PAK3: variants seen among roughly 807,000 people sequenced by gnomAD.
PAK3 encodes the protein p21 (RAC1) activated kinase 3.
PAK3 carries 4 observed loss-of-function variants against 41.0 expected under a neutral mutation model. The ratio of observed to expected loss-of-function variants is 0.10; its 90% CI spans 0.05 to 0.22. The LOEUF (loss-of-function observed/expected upper bound fraction) is 0.22. Ranked by LOEUF, PAK3 falls within the 10% of genes least tolerant of loss-of-function variation. PAK3 has a pLI of 1.00. For synonymous variants in PAK3, 146 were observed against 139.6 expected, an observed-to-expected ratio of 1.05 and a Z score of -0.32; for missense variants, 205 against 409.9, an observed-to-expected ratio of 0.50 and a Z score of 4.32.
intron 1 of PAK3, among the ~76,000 whole-genome samples, chrX:111,015,414 T>C (rs2092074399): frequency 9.0e-6 from 1 of 111,538 alleles, no homozygotes; most frequent in Admixed American, 9.5e-5. Flanking sequence ...AACATTGGTG[T>C]ACAAGTATCT....
At chrX:110,977,235 G>A (rs761799662) in intron 1 of PAK3, among the ~76,000 whole-genome samples, 119 of 109,806 alleles carry the variant, frequency 1.1e-3, no homozygotes, top group African/African-American at 3.8e-3. Context: ...AGATATATAT[G>A]TATAAGATAT....
chrX:111,214,876 G>T (rs369923416), intron 16 of PAK3, among the ~76,000 whole-genome samples: 1 of 111,796 alleles, frequency 8.9e-6, no homozygotes, highest in South Asian at 3.8e-4. Context: ...ACCTGGGCAA[G>T]TTCAGGGGGA....
At chrX:110,976,065 C>T (rs1041480711) in intron 1 of PAK3, among the ~76,000 whole-genome samples, 3 of 111,928 alleles carry the variant, frequency 2.7e-5, no homozygotes, top group African/African-American at 9.8e-5. Flanking sequence ...GACTTCATGA[C>T]AAAAACACCA....
At chrX:111,007,694 C>T (rs894519196) in intron 1 of PAK3, among the ~76,000 whole-genome samples, 1 of 111,974 alleles carries the variant, frequency 8.9e-6, no homozygotes, top group Non-Finnish European at 1.9e-5. Context: ...TCTACCATTT[C>T]CCCCTCAAGG....
chrX:110,998,236 C>T (rs749568345), intron 1 of PAK3, among the ~76,000 whole-genome samples: 2 of 111,801 alleles, frequency 1.8e-5, no homozygotes, highest in South Asian at 3.8e-4. Flanking sequence ...CCCTAAACCA[C>T]TCCAATGTCT....
At chrX:110,968,527 C>T (rs1054424634) in intron 1 of PAK3, among the ~76,000 whole-genome samples, 4 of 112,262 alleles carry the variant, frequency 3.6e-5, no homozygotes, top group Admixed American at 9.4e-5. Flanking sequence ...ACCAATCTGA[C>T]AAGTGTTAGT....
chrX:111,019,726 G>C (rs1423242161), intron 1 of PAK3, among the ~76,000 whole-genome samples: 2 of 105,019 alleles, frequency 1.9e-5, no homozygotes, highest in Non-Finnish European at 3.9e-5. Flanking sequence ...AGAAAAAGGG[G>C]GGGGGGCAAA....
chrX:111,000,982 TC>T (rs1402931907), intron 1 of PAK3, among the ~76,000 whole-genome samples: 1 of 111,279 alleles, frequency 9.0e-6, no homozygotes, highest in Non-Finnish European at 1.9e-5. Context: ...GTGGAAGGCC[TC>T]ACTGAGATGA....
intron 14 of PAK3, among the ~76,000 whole-genome samples, chrX:111,195,548 C>T (rs886656307): frequency 1.8e-5 from 2 of 111,850 alleles, no homozygotes; most frequent in Non-Finnish European, 3.8e-5. Flanking sequence ...ATAACTGGGC[C>T]AAAGTATATT....
chrX:111,096,456 AG>A, intron 1 of PAK3, 41 bp downstream of exon 1: 1 of 112,898 alleles, frequency 8.9e-6, no homozygotes, highest in African/African-American at 3.2e-5. Context: ...ACCGCGGGGG[AG>A]GGGGTGGCTG....
chrX:111,008,647 T>A (rs1294435763), intron 1 of PAK3, among the ~76,000 whole-genome samples: 1 of 112,610 alleles, frequency 8.9e-6, no homozygotes, highest in African/African-American at 3.2e-5. Context: ...GCTGGGTGAC[T>A]TTCTAGCAAC....
intron 4 of PAK3, among the ~76,000 whole-genome samples, chrX:111,117,109 C>T (rs770409225): frequency 8.0e-5 from 9 of 111,921 alleles, no homozygotes; most frequent in Admixed American, 1.9e-4. Flanking sequence ...AACTGGCCAA[C>T]GAAACTTGTT....
chrX:111,019,728 G>C, intron 1 of PAK3, among the ~76,000 whole-genome samples: 1 of 105,638 alleles, frequency 9.5e-6, no homozygotes, highest in South Asian at 4.3e-4. Flanking sequence ...AAAAAGGGGG[G>C]GGGGCAAATG....
intron 4 of PAK3, among the ~76,000 whole-genome samples, chrX:111,111,736 C>T (rs2093375212): frequency 9.0e-6 from 1 of 111,665 alleles, no homozygotes; most frequent in African/African-American, 3.3e-5. Context: ...ATTTGGAATC[C>T]CAAATGTAAA....
In PAK3 at chrX:111,040,215, A is replaced by T. The variant is rs186475464; in HGVS notation, c.-27-82862A>T. On this transcript the variant is annotated intron_variant, in intron 1 of 14. Transcript: ENST00000425146. ...AAGTTCCACCGAATGAGTTACTTAA[A>T]CTCACCAAGCTTCGATTTCCCCTTC... Among the ~76,000 whole-genome samples, 24 of 110,087 alleles carry T rather than the reference A, an allele frequency of 2.2e-4. No homozygotes were observed. In the Admixed American group the frequency reaches 2.2e-3, roughly 10 times the overall value.
rs1325893556 is a variant in PAK3, at chrX:111,107,622, G to A, written c.-28+4316G>A. On this transcript the variant is annotated intron_variant, in intron 4 of 17. Coordinates refer to ENST00000372007, the MANE Select transcript of PAK3 (RefSeq NM_002578.5). ...TGGCTTCTCCTGCTGGAGTCACCCT[G>A]GAGCAAAAAATGAGTTCAGAATATA... Among the ~76,000 whole-genome samples, 27 of 111,716 alleles carry A rather than the reference G, an allele frequency of 2.4e-4. No individual in the cohort carries two copies. In the Admixed American group the frequency reaches 2.5e-3, roughly 10 times the overall value.
At chrX:111,031,661 A>G (rs886418671) in intron 1 of PAK3, among the ~76,000 whole-genome samples, 1 of 111,554 alleles carries the variant, frequency 9.0e-6, no homozygotes, top group Admixed American at 9.5e-5. Context: ...AGCGGACAGA[A>G]CATTGTCTTA....
rs959538623 is a variant in PAK3 at position 111,147,953 on chromosome X, A to G, written c.430+63A>G. ...ATTTCAATTTCAGAGTGTCATGTTG[A>G]GAACAAAATGTCTGTGGGACATTTG... On this transcript the variant is annotated intron_variant, in intron 7 of 17. Transcript: ENST00000372007. 6.2e-6 allele frequency: 6 copies of G among 967,027 alleles called. No homozygotes were observed. In the African/African-American group the frequency reaches 1.1e-4, roughly 18 times the overall value. 79.7% of individuals were successfully genotyped at this position (967,027 alleles called of 1,213,427 possible). A position where few individuals can be genotyped will look rare whatever the true frequency, so the allele number is the denominator to read the frequency against.
chrX:111,182,873 GAAC>G (rs1304773985), intron 11 of PAK3, among the ~76,000 whole-genome samples: 1 of 111,296 alleles, frequency 9.0e-6, no homozygotes, highest in African/African-American at 3.3e-5. Context: ...TCGGCAAACA[GAAC>G]AACAACTTGT....
Sources: gnomAD v4.1 joint callset for allele counts (sites outside exome capture counted in the v4.1 genomes callset) on GRCh38, gnomAD v4.1.1 for gene constraint, MANE v1.5 for transcripts, NCBI Gene and HGNC (gene_info 2026-07-23, HGNC 2026-07-21) for gene names.